DRC11: variants seen among roughly 807,000 people sequenced by gnomAD.
DRC11 encodes the protein IQ and AAA domain-containing protein 1.
chr2:236,486,823 A>T, the DRC11 span: 2 of 1,601,514 alleles, frequency 1.2e-6, no homozygotes, highest in East Asian at 4.5e-5. This position sits in a 1 kb window ranked among gnomAD's most constrained non-coding sequence, Gnocchi z 5.7. Context: ...CTTAAAAAAA[A>T]CTTACCATAC....
At chr2:236,434,898 A>T in the DRC11 span, among the ~76,000 whole-genome samples, 1 of 152,196 alleles carries the variant, frequency 6.6e-6, no homozygotes, top group African/African-American at 2.4e-5. The surrounding 1 kb of genome is among the most constrained non-coding windows in gnomAD (Gnocchi z 5.5). Context: ...ACCTAAACAC[A>T]TAAAAAAAGT....
the DRC11 span, among the ~76,000 whole-genome samples, chr2:236,355,422 C>T: frequency 1.3e-5 from 2 of 152,218 alleles, no homozygotes; most frequent in African/African-American, 4.8e-5. Flanking sequence ...GTTCTGCAGC[C>T]TATGTGCATG....
the DRC11 span, among the ~76,000 whole-genome samples, chr2:236,406,412 G>A: frequency 6.6e-6 from 1 of 152,132 alleles, no homozygotes; most frequent in African/African-American, 2.4e-5. This position sits in a 1 kb window ranked among gnomAD's most constrained non-coding sequence, Gnocchi z 4.7. Flanking sequence ...ACACTGGTAG[G>A]GCTGTGGAAA....
chr2:236,503,657 C>T, the DRC11 span: 37 of 1,550,824 alleles, frequency 2.4e-5, no homozygotes, highest in African/African-American at 2.7e-5. The surrounding 1 kb of genome is among the most constrained non-coding windows in gnomAD (Gnocchi z 4.9). Flanking sequence ...TGAGAGACGG[C>T]GTCATCTCCT....
chr2:236,356,228 T>C, the DRC11 span, among the ~76,000 whole-genome samples: 249 of 151,982 alleles, frequency 1.6e-3, no homozygotes, highest in African/African-American at 4.7e-3. Context: ...GCTGAAACAT[T>C]CTCTGCTCCA....
the DRC11 span, among the ~76,000 whole-genome samples, chr2:236,393,680 C>T: frequency 6.6e-6 from 1 of 152,208 alleles, no homozygotes; most frequent in South Asian, 2.1e-4. This position sits in a 1 kb window ranked among gnomAD's most constrained non-coding sequence, Gnocchi z 4.7. Context: ...GGATAAGGTG[C>T]TGTGAGACCC....
chr2:236,383,471 C>G, the DRC11 span, among the ~76,000 whole-genome samples: 4 of 151,872 alleles, frequency 2.6e-5, no homozygotes, highest in African/African-American at 7.3e-5. Context: ...TATTTCCTGT[C>G]TTGTGCTAGC....
At chr2:236,343,649 A>ATTTTC in the DRC11 span, 6 of 1,095,742 alleles carry the variant, frequency 5.5e-6, no homozygotes, top group Non-Finnish European at 6.3e-6. This position sits in a 1 kb window ranked among gnomAD's most constrained non-coding sequence, Gnocchi z 6.6. Context: ...CATTTCTCTT[A>ATTTTC]GACGTGGGAC....
the DRC11 span, among the ~76,000 whole-genome samples, chr2:236,357,603 A>G: frequency 8.0e-6 from 1 of 125,300 alleles, no homozygotes; most frequent in African/African-American, 3.2e-5. Context: ...ATTTATGTAA[A>G]TATATATTTA....
chr2:236,433,632 TTTTAGTTTATTCTCTTTGCTTTTTTGCTC>T, the DRC11 span, among the ~76,000 whole-genome samples: 1 of 152,226 alleles, frequency 6.6e-6, no homozygotes, highest in Admixed American at 6.5e-5. Context: ...TAAAGTAGTT[TTTTAGTTTATTCTCTTTGCTTTTTTGCTC>T]TTTAGTTTAT....
At chr2:236,419,185 G>A in the DRC11 span, 6 of 1,534,082 alleles carry the variant, frequency 3.9e-6, no homozygotes, top group East Asian at 9.9e-5. This position sits in a 1 kb window ranked among gnomAD's most constrained non-coding sequence, Gnocchi z 4.8. Flanking sequence ...TTTGTTTTTT[G>A]GCTTTCTTGG....
the DRC11 span, among the ~76,000 whole-genome samples, chr2:236,356,932 T>G: frequency 7.0e-6 from 1 of 142,104 alleles, no homozygotes; most frequent in Non-Finnish European, 1.5e-5. Flanking sequence ...TCATATATAT[T>G]TATATATTAT....
At chr2:236,326,144 GATTT>G in the DRC11 span, among the ~76,000 whole-genome samples, 1 of 152,112 alleles carries the variant, frequency 6.6e-6, no homozygotes, top group Non-Finnish European at 1.5e-5. Flanking sequence ...TCTAGGTATA[GATTT>G]ATTTGATTTG....
At chr2:236,329,332 C>T in the DRC11 span, among the ~76,000 whole-genome samples, 2 of 152,212 alleles carry the variant, frequency 1.3e-5, no homozygotes, top group African/African-American at 2.4e-5. Context: ...ATCCGGCCTA[C>T]CATGCCTGTC....
At chr2:236,395,816 G>C in the DRC11 span, among the ~76,000 whole-genome samples, 1 of 152,118 alleles carries the variant, frequency 6.6e-6, no homozygotes, top group African/African-American at 2.4e-5. Flanking sequence ...TGTTACATCA[G>C]GGCATTTTAA....
At chr2:236,392,140 A>C in the DRC11 span, 1 of 1,549,274 alleles carries the variant, frequency 6.5e-7, no homozygotes, top group Non-Finnish European at 8.9e-7. The surrounding 1 kb of genome is among the most constrained non-coding windows in gnomAD (Gnocchi z 5.1). Flanking sequence ...GTGAAGTTTA[A>C]AAATCCCTTA....
the DRC11 span, among the ~76,000 whole-genome samples, chr2:236,376,375 G>A: frequency 6.6e-6 from 1 of 152,168 alleles, no homozygotes. This position sits in a 1 kb window ranked among gnomAD's most constrained non-coding sequence, Gnocchi z 5.7. Context: ...AGAAAGACAA[G>A]TATTTATACA....
the DRC11 span, among the ~76,000 whole-genome samples, chr2:236,403,593 G>A: frequency 2.0e-5 from 3 of 152,122 alleles, no homozygotes; most frequent in Admixed American, 6.5e-5. Context: ...TGGCTTAAAA[G>A]TTTTGCTGGA....
chr2:236,472,294 T>A, the DRC11 span, among the ~76,000 whole-genome samples: 1 of 152,186 alleles, frequency 6.6e-6, no homozygotes, highest in African/African-American at 2.4e-5. The surrounding 1 kb of genome is among the most constrained non-coding windows in gnomAD (Gnocchi z 4.6). Flanking sequence ...TGTGCACAGG[T>A]AGCACCATTT....
Sources: allele counts gnomAD v4.1 joint callset (sites outside exome capture counted in the v4.1 genomes callset), GRCh38; gene constraint gnomAD v4.1.1; non-coding constraint Gnocchi (gnomAD v3.1); transcripts MANE v1.5; gene names NCBI Gene and HGNC (gene_info 2026-07-23, HGNC 2026-07-21).